The following NECTIN1 variants were observed in gnomAD, a reference collection of about 807,000 sequenced individuals.
The protein encoded by NECTIN1 is nectin-1.
NECTIN1 carries 23 observed loss-of-function variants against 48.0 expected under a neutral mutation model. The ratio of observed to expected loss-of-function variants is 0.48; its 90% CI spans 0.34 to 0.68. NECTIN1 has a LOEUF of 0.68. Ranked by LOEUF, NECTIN1 falls within the 30% of genes least tolerant of loss-of-function variation. The pLI, the probability that NECTIN1 is intolerant of heterozygous loss-of-function variation, is 0.01. For missense variants in NECTIN1, 591 were observed against 709.9 expected (o/e 0.83, Z 1.90); for synonymous variants, 270 against 288.9 (o/e 0.93, Z 0.66).
chr11:119,728,429 G>A, intron 1 of NECTIN1, 46 bp downstream of exon 1: 1 of 1,520,480 alleles, frequency 6.6e-7, no homozygotes, highest in Non-Finnish European at 8.9e-7. Flanking sequence ...CCAGCCCCGG[G>A]GAGGCATTGG....
intron 1 of NECTIN1, chr11:119,714,041 G>T (rs956831970): frequency 1.3e-5 from 4 of 312,550 alleles, no homozygotes; most frequent in Non-Finnish European, 2.6e-5. Flanking sequence ...TGCTCTGAGG[G>T]TACATCGAAG....
At chr11:119,693,192 G>A (rs1246730914) in intron 1 of NECTIN1, among the ~76,000 whole-genome samples, 1 of 151,970 alleles carries the variant, frequency 6.6e-6, no homozygotes, top group African/African-American at 2.4e-5. Context: ...TTGACTTCCA[G>A]TCCAAACCCT....
At chr11:119,655,476 GGCCATTGTGACAA>G (rs1864557798) in intron 5 of NECTIN1, among the ~76,000 whole-genome samples, 1 of 152,176 alleles carries the variant, frequency 6.6e-6, no homozygotes, top group Non-Finnish European at 1.5e-5. Context: ...GCTCTGAGCT[GGCCATTGTGACAA>G]TGCTTTCCCA....
In NECTIN1 at chr11:119,728,500, G is replaced by A. The variant is rs761698010; in HGVS notation, c.54C>T (p.Leu18=). 3 of 1,601,534 alleles carry A rather than the reference G, an allele frequency of 1.9e-6. No individual in the cohort carries two copies. The highest frequency in any genetic ancestry group is 4.6e-5 in the East Asian group (2 of 43,810). Reference sequence around the variant, plus strand: ...CTGGGAGGAAGAATGCGGTCAAGCCGAGAGCGAGTCCCCACCAGCGTCCAG... The same window carrying A: ...CTGGGAGGAAGAATGCGGTCAAGCCAAGAGCGAGTCCCCACCAGCGTCCAG... ...GAAGRWWGLA[L]GLTAFFLPGV... Residue 18 remains leucine, a synonymous_variant, in exon 1 of 6, where the codon CTC becomes CTT. Coordinates refer to ENST00000264025, the MANE Select transcript of NECTIN1 (RefSeq NM_002855.5).
chr11:119,677,559 C>A lies in NECTIN1; in HGVS notation c.729G>T (p.Val243=). The A allele has an allele frequency of 6.2e-7, 1 of 1,612,570 alleles. No individual in the cohort carries two copies. Among genetic ancestry groups the A allele is most frequent in the Non-Finnish European group, 8.5e-7 (1 of 1,180,006 alleles). Residue 243 remains valine, a synonymous_variant, in exon 3 of 6, where the codon GTG becomes GTT. Transcript: ENST00000264025. This position sits in a 1 kb window ranked among gnomAD's most constrained non-coding sequence, Gnocchi z 5.4. The part of the protein sequence containing the change: ...DRFKESLTLN[V]QYEPEVTIEG... ...CTGGCAGCCAGCCCTGCTCACACTGCACGTTGAGAGTGAGGCTTTCCTTGA... is the reference window on the plus strand; with the variant it reads ...CTGGCAGCCAGCCCTGCTCACACTGAACGTTGAGAGTGAGGCTTTCCTTGA...
chr11:119,661,882 T>A lies in NECTIN1; in HGVS notation c.*2865A>T. On this transcript the variant is annotated 3_prime_UTR_variant, in exon 6 of 6. Coordinates refer to ENST00000264025, the MANE Select transcript of NECTIN1 (RefSeq NM_002855.5). ...TGCCTGCGCGTGGGTGTGTTGGAGGTGTGAGTGTGTCCACTGTGGGCACAC... is the reference window on the plus strand; with the variant it reads ...TGCCTGCGCGTGGGTGTGTTGGAGGAGTGAGTGTGTCCACTGTGGGCACAC... 1.0e-6 allele frequency: 1 copy of A among 985,118 alleles called. No individual in the cohort carries two copies. Among genetic ancestry groups the A allele is most frequent in the Non-Finnish European group, 1.2e-6 (1 of 829,930 alleles). The allele number at this position is 985,118 out of a possible 1,614,324, so 61.0% of individuals were successfully genotyped here.
chr11:119,661,058 T>C lies in NECTIN1; in HGVS notation c.*3689A>G, dbSNP rs1279464417. ...TCCTCAGTACATTTTCAACCCATCA[T>C]TTTTTTTTAATACAAGTAAAAGGGG... On this transcript the variant is annotated 3_prime_UTR_variant, in exon 6 of 6. Coordinates refer to ENST00000264025, the MANE Select transcript of NECTIN1 (RefSeq NM_002855.5). 4.3e-6 allele frequency: 4 copies of C among 924,434 alleles called. No homozygotes were observed. In the African/African-American group the frequency reaches 7.2e-5, roughly 17 times the overall value. The allele number at this position is 924,434 out of a possible 1,614,324, so 57.3% of individuals were successfully genotyped here. A position where few individuals can be genotyped will look rare whatever the true frequency, so the allele number is the denominator to read the frequency against.
In NECTIN1 at chr11:119,664,600, C is replaced by T; in HGVS notation, c.*147G>A. 6.9e-7 allele frequency: 1 copy of T among 1,441,822 alleles called. No homozygotes were observed. The highest frequency in any genetic ancestry group is 9.1e-7 in the Non-Finnish European group (1 of 1,097,552). 89.3% of individuals were successfully genotyped at this position (1,441,822 alleles called of 1,614,324 possible). A position where few individuals can be genotyped will look rare whatever the true frequency, so the allele number is the denominator to read the frequency against. On this transcript the variant is annotated 3_prime_UTR_variant, in exon 6 of 6. Transcript: ENST00000264025. ...GCCAAGTCGTGGCTGCCCTGGGCTC[C>T]CCTGGCCCCCCAGGAGTTCGGGGCT... is the stretch of plus-strand genomic sequence containing the variant.
At chr11:119,711,545 C>T (rs958677438) in intron 1 of NECTIN1, among the ~76,000 whole-genome samples, 4 of 152,106 alleles carry the variant, frequency 2.6e-5, no homozygotes, top group Non-Finnish European at 4.4e-5. Flanking sequence ...GGGTCCTATC[C>T]TTCAAAGAGC....
rs1864701330 is a variant in NECTIN1 at position 119,663,351 on chromosome 11, CTGGGG to C, written c.*1391_*1395del. 1 of 985,332 alleles carries C rather than the reference CTGGGG, an allele frequency of 1.0e-6. No homozygotes were observed. Among genetic ancestry groups the C allele is most frequent in the Non-Finnish European group, 1.2e-6 (1 of 829,936 alleles). 61.0% of individuals were successfully genotyped at this position (985,332 alleles called of 1,614,324 possible). A position where few individuals can be genotyped will look rare whatever the true frequency, so the allele number is the denominator to read the frequency against. On this transcript the variant is annotated 3_prime_UTR_variant, in exon 6 of 6. Transcript: ENST00000264025. ...CATTATATACATGGGAAGACCCAGT[CTGGGG>C]TGGCTGATAGGAACTCAATGTCCCA... is the stretch of plus-strand genomic sequence containing the variant.
In NECTIN1 at chr11:119,665,770, G is replaced by A. The variant is rs551317111; in HGVS notation, c.1004-473C>T. On this transcript the variant is annotated intron_variant, in intron 5 of 5. Coordinates refer to ENST00000264025, the MANE Select transcript of NECTIN1 (RefSeq NM_002855.5). This position sits in a 1 kb window ranked among gnomAD's most constrained non-coding sequence, Gnocchi z 5.1. ...TGAGGCCACCCAGCAATGATGCATCGTTGCTTCTCCTGCACATAGAACGTG... is the reference window on the plus strand; with the variant it reads ...TGAGGCCACCCAGCAATGATGCATCATTGCTTCTCCTGCACATAGAACGTG... Among the ~76,000 whole-genome samples the A allele has an allele frequency of 3.3e-5, 5 of 152,258 alleles. No homozygotes were observed. The East Asian group carries it at 5.8e-4, about 18-fold the overall frequency.
chr11:119,718,428 A>T (rs368934313), intron 1 of NECTIN1, among the ~76,000 whole-genome samples: 1 of 152,206 alleles, frequency 6.6e-6, no homozygotes, highest in East Asian at 1.9e-4. Context: ...GCCCAGGAGA[A>T]CACCCTAAAT....
chr11:119,646,070 G>T (rs1396590749), intron 5 of NECTIN1, among the ~76,000 whole-genome samples: 2 of 152,154 alleles, frequency 1.3e-5, no homozygotes, highest in Non-Finnish European at 2.9e-5. Context: ...TTGGGCTCCC[G>T]GTCTCTTCCT....
At chr11:119,710,191 G>A (rs1865616732) in intron 1 of NECTIN1, among the ~76,000 whole-genome samples, 1 of 152,186 alleles carries the variant, frequency 6.6e-6, no homozygotes, top group Non-Finnish European at 1.5e-5. Flanking sequence ...GCACACACGC[G>A]CACCCAAGCA....
At chr11:119,707,138 G>A (rs1012017423) in intron 1 of NECTIN1, among the ~76,000 whole-genome samples, 1 of 152,152 alleles carries the variant, frequency 6.6e-6, no homozygotes, top group African/African-American at 2.4e-5. Context: ...GACCCTTGAA[G>A]GACAGGGAGG....
intron 1 of NECTIN1, among the ~76,000 whole-genome samples, chr11:119,706,826 G>A (rs979965545): frequency 5.3e-5 from 8 of 152,116 alleles, no homozygotes; most frequent in African/African-American, 9.7e-5. Flanking sequence ...TTTAATCCTC[G>A]TGAACTCCCT....
chr11:119,700,830 G>C (rs546074278), intron 1 of NECTIN1, among the ~76,000 whole-genome samples: 4 of 152,162 alleles, frequency 2.6e-5, no homozygotes, highest in African/African-American at 4.8e-5. Flanking sequence ...TCTGGGATGG[G>C]GGGTATATGA....
intron 5 of NECTIN1, among the ~76,000 whole-genome samples, chr11:119,644,419 TG>T (rs1463505996): frequency 6.6e-6 from 1 of 152,178 alleles, no homozygotes; most frequent in Non-Finnish European, 1.5e-5. Flanking sequence ...CTCAGCCAGA[TG>T]TCAGTGTTCC....
At position 119,728,914 on chromosome 11, in the gene NECTIN1, G is replaced by T. The variant is rs1419515581; in HGVS notation, c.-361C>A. 1 of 199,580 alleles carries T rather than the reference G, an allele frequency of 5.0e-6. No individual in the cohort carries two copies. The highest frequency in any genetic ancestry group is 2.3e-5 in the African/African-American group (1 of 43,122). 12.4% of individuals were successfully genotyped at this position (199,580 alleles called of 1,614,324 possible). A position where few individuals can be genotyped will look rare whatever the true frequency, so the allele number is the denominator to read the frequency against. ...CCCGGCTGCCCGGTTGCGCGGCGCG[G>T]GCTCCTGGCCCCGGCCCGCTCACAC... On this transcript the variant is annotated 5_prime_UTR_variant, in exon 1 of 6. Transcript: ENST00000264025.
Sources: gnomAD v4.1 joint callset for allele counts (sites outside exome capture counted in the v4.1 genomes callset) on GRCh38, gnomAD v4.1.1 for gene constraint, Gnocchi (gnomAD v3.1) non-coding constraint, MANE v1.5 for transcripts, NCBI Gene and HGNC (gene_info 2026-07-23, HGNC 2026-07-21) for gene names.